The following TRAF2 variants were observed in gnomAD, a reference collection of about 807,000 sequenced individuals.
TRAF2 encodes TNF receptor-associated factor 2.
In TRAF2, 6 loss-of-function variants were observed where a neutral mutation model predicts 55.6. That is an observed-to-expected ratio of 0.11 (90% CI 0.06 to 0.21). The LOEUF is 0.21. Among genes scored for constraint, TRAF2 ranks in the 10% least tolerant of loss-of-function variants. The pLI, the probability that TRAF2 is intolerant of heterozygous loss-of-function variation, is 1.00. For missense variants in TRAF2, 561 were observed against 684.5 expected (o/e 0.82, Z 2.01); for synonymous variants, 329 against 276.3 (o/e 1.19, Z -1.89).
At chr9:136,897,863 G>T (rs1187751961) in intron 1 of TRAF2, among the ~76,000 whole-genome samples, 1 of 130,328 alleles carries the variant, frequency 7.7e-6, no homozygotes, top group Non-Finnish European at 1.6e-5. Flanking sequence ...CCAGCCTCAG[G>T]TGTGCTACGT....
intron 5 of TRAF2, among the ~76,000 whole-genome samples, chr9:136,909,308 C>T (rs1850041422): frequency 6.6e-6 from 1 of 150,764 alleles, no homozygotes; most frequent in African/African-American, 2.4e-5. Flanking sequence ...TGTTGTCTGT[C>T]TTTGCCTTGG....
chr9:136,919,349 A>G, intron 7 of TRAF2, among the ~76,000 whole-genome samples: 1 of 136,140 alleles, frequency 7.3e-6, no homozygotes, highest in Middle Eastern at 4.9e-3. Flanking sequence ...CCCAGACTAG[A>G]GTACAGTGGC....
intron 7 of TRAF2, among the ~76,000 whole-genome samples, chr9:136,919,821 TC>T (rs1850341280): frequency 1.3e-5 from 2 of 151,772 alleles, no homozygotes; most frequent in Admixed American, 6.6e-5. Context: ...GCTCAAGTGA[TC>T]CTCCCACCTC....
chr9:136,925,914 G>GGT lies in TRAF2; in HGVS notation c.*16_*17dup. On this transcript the variant is annotated 3_prime_UTR_variant, in exon 11 of 11. Transcript: ENST00000247668. ...GACAGGGCTCTAACTGCCCCCTACTGGTGTCTGGGGGTTGGGGGCAGCCAG... is the reference window on the plus strand; with the variant it reads ...GACAGGGCTCTAACTGCCCCCTACTGGTGTGTCTGGGGGTTGGGGGCAGCCAG... 1 of 1,613,546 alleles carries GGT rather than the reference G, an allele frequency of 6.2e-7. No individual in the cohort carries two copies. Among genetic ancestry groups the GGT allele is most frequent in the South Asian group, 1.1e-5 (1 of 91,084 alleles).
chr9:136,899,109 G>A (rs1203652287), intron 2 of TRAF2, among the ~76,000 whole-genome samples, 181 bp downstream of exon 2: 1 of 152,212 alleles, frequency 6.6e-6, no homozygotes, highest in East Asian at 1.9e-4. Flanking sequence ...TTTTAAAATA[G>A]CAATTTGAAA....
intron 2 of TRAF2, 137 bp from the exon 3 acceptor site, chr9:136,899,457 T>C (rs868129421): frequency 6.0e-6 from 4 of 665,962 alleles, no homozygotes; most frequent in Middle Eastern, 3.1e-4. Context: ...TGTTAACATT[T>C]GCCTGCTGTT....
chr9:136,893,983 C>T (rs977857193), intron 1 of TRAF2, among the ~76,000 whole-genome samples: 3 of 150,180 alleles, frequency 2.0e-5, no homozygotes, highest in Middle Eastern at 3.5e-3. Context: ...CTCCTGACCT[C>T]GTGATTCTCC....
chr9:136,925,484 G>A (rs891727459), intron 10 of TRAF2, among the ~76,000 whole-genome samples, 199 bp from the exon 11 acceptor site: 5 of 151,742 alleles, frequency 3.3e-5, no homozygotes, highest in Non-Finnish European at 7.3e-5. Flanking sequence ...CGGAATGCCG[G>A]TGGCTGGGGA....
chr9:136,925,177 G>A (rs1850498573), intron 10 of TRAF2, among the ~76,000 whole-genome samples: 1 of 152,238 alleles, frequency 6.6e-6, no homozygotes. Context: ...GGAGTAGGCA[G>A]AGCAGAGTTG....
At chr9:136,920,175 C>A in intron 7 of TRAF2, 59 bp from the exon 8 acceptor site, 1 of 1,522,310 alleles carries the variant, frequency 6.6e-7, no homozygotes, top group Admixed American at 2.0e-5. Context: ...TGGTGGCCGT[C>A]CCCGGGTGGG....
At chr9:136,922,171 G>A (rs1850402131) in intron 9 of TRAF2, among the ~76,000 whole-genome samples, 1 of 152,220 alleles carries the variant, frequency 6.6e-6, no homozygotes, top group Non-Finnish European at 1.5e-5. Flanking sequence ...TGGAGGGGCC[G>A]CCACATTGTG....
At chr9:136,912,152 C>CTTTTTTTTTTTTTTTTTTT (rs1180324647) in intron 6 of TRAF2, among the ~76,000 whole-genome samples, 1 of 58,302 alleles carries the variant, frequency 1.7e-5, no homozygotes, top group African/African-American at 7.6e-5. Context: ...GCGTCTGGCC[C>CTTTTTTTTTTTTTTTTTTT]TTTTTTTTTT....
Position 136,908,264 on chromosome 9 carries a change from G to A in TRAF2, c.528+33G>A, listed in dbSNP as rs1281726309. 5.9e-6 allele frequency: 9 copies of A among 1,530,514 alleles called. No individual in the cohort carries two copies. In the East Asian group the frequency reaches 2.2e-4, roughly 37 times the overall value. The allele number at this position is 1,530,514 out of a possible 1,614,324, so 94.8% of individuals were successfully genotyped here. A position where few individuals can be genotyped will look rare whatever the true frequency, so the allele number is the denominator to read the frequency against. On this transcript the variant is annotated intron_variant, in intron 5 of 10. Transcript: ENST00000247668. ...GGGTGGAGCAGCAGCCTGTGTGGCTGCAGCCATGCGGGGCTGAGCTGGGGA... is the reference window on the plus strand; with the variant it reads ...GGGTGGAGCAGCAGCCTGTGTGGCTACAGCCATGCGGGGCTGAGCTGGGGA...
intron 1 of TRAF2, among the ~76,000 whole-genome samples, chr9:136,894,466 G>A (rs1396789335): frequency 1.3e-5 from 2 of 152,198 alleles, no homozygotes; most frequent in Admixed American, 6.5e-5. Context: ...CCTGGGCGCA[G>A]GCTTCTTAGG....
intron 1 of TRAF2, among the ~76,000 whole-genome samples, chr9:136,896,308 C>A (rs536687160): frequency 1.3e-5 from 2 of 152,344 alleles, no homozygotes; most frequent in South Asian, 4.1e-4. Flanking sequence ...CACGTGCCCC[C>A]ACGGGGAGCG....
At chr9:136,913,239 G>A (rs1418224396) in intron 6 of TRAF2, among the ~76,000 whole-genome samples, 1 of 151,214 alleles carries the variant, frequency 6.6e-6, no homozygotes, top group East Asian at 1.9e-4. Flanking sequence ...TTTTGTTCTT[G>A]GAAGTACATC....
intron 9 of TRAF2, chr9:136,922,283 A>G (rs1254520017): frequency 1.3e-5 from 2 of 152,210 alleles, no homozygotes; most frequent in African/African-American, 4.8e-5. Context: ...TTTAGGGGAA[A>G]CTTGAGGGAA....
Position 136,920,296 on chromosome 9 carries a change from A to C in TRAF2, c.741A>C (p.Leu247=). 6.2e-7 allele frequency: 1 copy of C among 1,613,822 alleles called. No homozygotes were observed. The highest frequency in any genetic ancestry group is 8.5e-7 in the Non-Finnish European group (1 of 1,180,030). ...VQWLREHLAM[L]LSSVLEAKPL... is the part of the protein sequence containing the mutation. ...GGCTGCGGGAGCACCTGGCCATGCT[A>C]CTGAGCTCGGTGCTGGAGGCAAAGC... Residue 247 remains leucine (L), a synonymous_variant, in exon 8 of 11, where the codon CTA becomes CTC. Coordinates refer to ENST00000247668, the MANE Select transcript of TRAF2 (RefSeq NM_021138.4).
In TRAF2 at chr9:136,900,169, T is replaced by TAAAA. The variant is rs758259445; in HGVS notation, c.268-243_268-240dup. 3.7e-4 allele frequency among the ~76,000 whole-genome samples: 40 copies of TAAAA among 106,750 alleles called. 1 individual carries two copies. Among genetic ancestry groups the TAAAA allele is most frequent in the Non-Finnish European group, 6.6e-4 (36 of 54,610 alleles). 70.0% of individuals were successfully genotyped at this position (106,750 alleles called of 152,430 possible). A position where few individuals can be genotyped will look rare whatever the true frequency, so the allele number is the denominator to read the frequency against. On this transcript the variant is annotated intron_variant, in intron 3 of 10. Transcript: ENST00000247668. The stretch of plus-strand genomic sequence containing the variant: ...GGGTTACAAAGTGAGACCCCTCCTT[T>TAAAA]AAAAAAAAAAAAAGAATAAAGGGCC...
Sources: gnomAD v4.1 joint callset for allele counts (sites outside exome capture counted in the v4.1 genomes callset) on GRCh38, gnomAD v4.1.1 for gene constraint, MANE v1.5 for transcripts, NCBI Gene and HGNC (gene_info 2026-07-23, HGNC 2026-07-21) for gene names.